Variants in FYCO1 observed in about 807,000 individuals in gnomAD.
FYCO1 encodes the protein FYVE and coiled-coil domain-containing protein 1.
In FYCO1, 122 loss-of-function variants were observed where a neutral mutation model predicts 165.1. The ratio of observed to expected loss-of-function variants is 0.74; its 90% CI spans 0.64 to 0.86. The LOEUF is 0.86. Ranked by LOEUF, FYCO1 falls within the 40% of genes least tolerant of loss-of-function variation. The pLI is 0.00. For missense variants in FYCO1, 1,702 were observed against 1,810.3 expected, an observed-to-expected ratio of 0.94 and a Z score of 1.09; for synonymous variants, 648 against 742.5, an observed-to-expected ratio of 0.87 and a Z score of 2.07.
At chr3:45,970,192 A>C (rs1469102067) in intron 6 of FYCO1, among the ~76,000 whole-genome samples, 1 of 152,230 alleles carries the variant, frequency 6.6e-6, no homozygotes, top group Non-Finnish European at 1.5e-5. Context: ...CTTCTAGGTC[A>C]CATAACCAGG....
Position 45,962,111 on chromosome 3 carries a change from G to T in FYCO1, c.3437+114C>A. 1.7e-6 allele frequency: 2 copies of T among 1,175,906 alleles called. No individual in the cohort carries two copies. The highest frequency in any genetic ancestry group is 1.3e-6 in the Non-Finnish European group (1 of 788,852). The allele number at this position is 1,175,906 out of a possible 1,614,324, so 72.8% of individuals were successfully genotyped here. Reference sequence around the variant, plus strand: ...GAAGGAGAGAGGGGCTCCTGAGACAGCAGCAAGAAAGTGGGGAAATTTCTG... The same window carrying T: ...GAAGGAGAGAGGGGCTCCTGAGACATCAGCAAGAAAGTGGGGAAATTTCTG... On this transcript the variant is annotated intron_variant, in intron 11 of 17. Coordinates refer to ENST00000296137, the MANE Select transcript of FYCO1 (RefSeq NM_024513.4). The surrounding 1 kb of genome is among the most constrained non-coding windows in gnomAD (Gnocchi z 4.4).
At chr3:45,992,489 G>T (rs944898543) in intron 1 of FYCO1, among the ~76,000 whole-genome samples, 4 of 152,182 alleles carry the variant, frequency 2.6e-5, no homozygotes, top group African/African-American at 9.7e-5. Flanking sequence ...CTAGTTACGT[G>T]AACTTTCCAT....
At chr3:45,940,447 G>A (rs1036945383) in intron 14 of FYCO1, among the ~76,000 whole-genome samples, 2 of 152,138 alleles carry the variant, frequency 1.3e-5, no homozygotes, top group Non-Finnish European at 2.9e-5. Context: ...ACTGATAAGG[G>A]AAAAACACCT....
chr3:45,969,751 G>T lies in FYCO1; in HGVS notation c.554C>A (p.Thr185Asn). 1 of 1,613,848 alleles carries T rather than the reference G, an allele frequency of 6.2e-7. No individual in the cohort carries two copies. The highest frequency in any genetic ancestry group is 8.5e-7 in the Non-Finnish European group (1 of 1,179,974). ...WPTFARRTLT[T>N]GSSAYLWKPP... ...TTTCCACAGGTAAGCAGAAGAGCCA[G>T]TGGTCAGCGTCCTCCTGTGGGGCCA... The change falls in exon 7 of 18, where the codon ACT becomes AAT. Residue 185 changes from threonine (T) to asparagine (N), a missense_variant. Thr to Asn is a moderately conservative substitution (Grantham distance 65). Transcript: ENST00000296137.
chr3:45,932,254 C>A (rs1703671053), intron 15 of FYCO1, among the ~76,000 whole-genome samples: 1 of 152,222 alleles, frequency 6.6e-6, no homozygotes, highest in African/African-American at 2.4e-5. Flanking sequence ...GACAGAGCCT[C>A]CAGTGCAGAG....
intron 14 of FYCO1, among the ~76,000 whole-genome samples, chr3:45,951,108 T>C (rs1704991940): frequency 6.6e-6 from 1 of 152,168 alleles, no homozygotes. Context: ...AGGATCTTCT[T>C]TGCAGGAGAC....
chr3:45,920,927 A>ACTG lies in FYCO1; in HGVS notation c.*837_*838insCAG. On this transcript the variant is annotated 3_prime_UTR_variant, in exon 18 of 18. Transcript: ENST00000296137. ...CAATGCACAATCCTGCTCTGTGGTC[A>ACTG]CAACATCCACACTGGCTGGCATTTG... is the stretch of plus-strand genomic sequence containing the variant. 6.5e-6 allele frequency: 1 copy of ACTG among 152,984 alleles called. No individual in the cohort carries two copies. Among genetic ancestry groups the ACTG allele is most frequent in the Non-Finnish European group, 1.5e-5 (1 of 68,482 alleles). 9.5% of individuals were successfully genotyped at this position (152,984 alleles called of 1,614,324 possible).
At position 45,962,815 on chromosome 3, in the gene FYCO1, C is replaced by T. The variant is rs4683157; in HGVS notation, c.3270-423G>A. Reference sequence around the variant, plus strand: ...CACAGAGGAGGGCCTGTCTTCCACACGTCCTTGGGACTCTACACATGGGGC... The same window carrying T: ...CACAGAGGAGGGCCTGTCTTCCACATGTCCTTGGGACTCTACACATGGGGC... On this transcript the variant is annotated intron_variant, in intron 10 of 17. Transcript: ENST00000296137. This position sits in a 1 kb window ranked among gnomAD's most constrained non-coding sequence, Gnocchi z 4.4. Among the ~76,000 whole-genome samples, 51,196 of 152,016 alleles carry T rather than the reference C, an allele frequency of 0.34. 10,448 individuals carry two copies. Among genetic ancestry groups the T allele is most frequent in the East Asian group, 0.65 (3,327 of 5,134 alleles).
At chr3:45,963,117 T>C (rs531907899) in intron 10 of FYCO1, among the ~76,000 whole-genome samples, 26 of 152,170 alleles carry the variant, frequency 1.7e-4, no homozygotes, top group South Asian at 6.2e-4. Context: ...CTGATTACTT[T>C]ACACCTTCCA....
At position 45,969,758 on chromosome 3, in the gene FYCO1, G is replaced by C. The variant is rs1395578801; in HGVS notation, c.547C>G (p.Leu183Val). The change falls in exon 7 of 18, where the codon CTG (leucine) becomes GTG (valine). Residue 183 changes from leucine (L) to valine (V), a missense_variant. Physicochemically the swap from Leu to Val is conservative, Grantham distance 32. Coordinates refer to ENST00000296137, the MANE Select transcript of FYCO1 (RefSeq NM_024513.4). ...AAWPTFARRT[L>V]TTGSSAYLWK... ...AGGTAAGCAGAAGAGCCAGTGGTCAGCGTCCTCCTGTGGGGCCACAAAACA... is the reference window on the plus strand; with the variant it reads ...AGGTAAGCAGAAGAGCCAGTGGTCACCGTCCTCCTGTGGGGCCACAAAACA... 1 of 1,613,530 alleles carries C rather than the reference G, an allele frequency of 6.2e-7. No individual in the cohort carries two copies. Among genetic ancestry groups the C allele is most frequent in the Non-Finnish European group, 8.5e-7 (1 of 1,179,896 alleles).
chr3:45,994,741 G>A (rs576415744), intron 1 of FYCO1, among the ~76,000 whole-genome samples: 2 of 149,096 alleles, frequency 1.3e-5, no homozygotes, highest in African/African-American at 2.5e-5. Context: ...AGGCCTGCAC[G>A]GGCAGGAGAA....
intron 15 of FYCO1, among the ~76,000 whole-genome samples, chr3:45,935,541 T>G (rs1345400649): frequency 6.6e-6 from 1 of 152,168 alleles, no homozygotes; most frequent in African/African-American, 2.4e-5. Context: ...GTGCTGCCTG[T>G]TCCCTCTGCC....
chr3:45,991,123 A>T (rs1707542931), intron 1 of FYCO1, among the ~76,000 whole-genome samples: 1 of 152,148 alleles, frequency 6.6e-6, no homozygotes, highest in African/African-American at 2.4e-5. Context: ...TGATTTTTCA[A>T]TTTTCCTTTA....
chr3:45,966,837 G>T lies in FYCO1; in HGVS notation c.2497C>A (p.Gln833Lys), dbSNP rs1280138555. The change falls in exon 8 of 18, where the codon CAG (glutamine) becomes AAG (lysine). Residue 833 changes from glutamine (Q) to lysine (K), a missense_variant. Coordinates refer to ENST00000296137, the MANE Select transcript of FYCO1 (RefSeq NM_024513.4). ...TGGGCTCTGTTAAGGGCTTCATTCTGCTCCTTCAGCTGCTGCACAAGGGTT... is the reference window on the plus strand; with the variant it reads ...TGGGCTCTGTTAAGGGCTTCATTCTTCTCCTTCAGCTGCTGCACAAGGGTT... ...HKTLVQQLKE[Q>K]NEALNRAHVQ... is the part of the protein sequence containing the mutation. 1.9e-6 allele frequency: 3 copies of T among 1,611,266 alleles called. No homozygotes were observed. The African/African-American group carries it at 4.0e-5, about 22-fold the overall frequency.
rs1010289451 is a variant in FYCO1 at position 45,993,522 on chromosome 3, A to G, written c.-113+2200T>C. ...TAATTGCTCAGATAGAGGCTCTTATACCAATAAAGACTTCTTATTTTCTTG... is the reference window on the plus strand; with the variant it reads ...TAATTGCTCAGATAGAGGCTCTTATGCCAATAAAGACTTCTTATTTTCTTG... On this transcript the variant is annotated intron_variant, in intron 1 of 17. Coordinates refer to ENST00000296137, the MANE Select transcript of FYCO1 (RefSeq NM_024513.4). This position sits in a 1 kb window ranked among gnomAD's most constrained non-coding sequence, Gnocchi z 4.4. 2.6e-5 allele frequency among the ~76,000 whole-genome samples: 4 copies of G among 151,880 alleles called. No homozygotes were observed. The highest frequency in any genetic ancestry group is 6.7e-5 in the Admixed American group (1 of 14,970).
At chr3:45,942,354 G>C (rs1704279206) in intron 14 of FYCO1, among the ~76,000 whole-genome samples, 1 of 152,216 alleles carries the variant, frequency 6.6e-6, no homozygotes, top group African/African-American at 2.4e-5. Flanking sequence ...GGCCAGGCTT[G>C]CGGTAGAAAT....
intron 14 of FYCO1, chr3:45,947,717 T>C: frequency 1.8e-6 from 1 of 563,202 alleles, no homozygotes; most frequent in Non-Finnish European, 3.2e-6. Context: ...AAGTAGGGGG[T>C]CTAAAATTTT....
At chr3:45,926,620 A>G (rs780168398) in intron 16 of FYCO1, among the ~76,000 whole-genome samples, 26 of 152,198 alleles carry the variant, frequency 1.7e-4, no homozygotes, top group African/African-American at 5.8e-4. Flanking sequence ...TCAATGAAGA[A>G]ACAGAAGACG....
intron 14 of FYCO1, chr3:45,946,418 C>A: frequency 7.1e-7 from 1 of 1,417,136 alleles, no homozygotes; most frequent in Non-Finnish European, 9.8e-7. Flanking sequence ...ACAAAGAATG[C>A]CATCCTCAGC....
Sources: gnomAD v4.1 joint callset for allele counts (sites outside exome capture counted in the v4.1 genomes callset) on GRCh38, gnomAD v4.1.1 for gene constraint, Gnocchi (gnomAD v3.1) non-coding constraint, MANE v1.5 for transcripts, NCBI Gene and HGNC (gene_info 2026-07-23, HGNC 2026-07-21) for gene names.